Variants in EPS8L3 observed in about 807,000 individuals in gnomAD.
EPS8L3 encodes the protein epidermal growth factor receptor kinase substrate 8-like protein 3.
A neutral mutation model predicts 88.5 loss-of-function variants in EPS8L3; 80 were observed. The ratio of observed to expected loss-of-function variants is 0.90; its 90% CI spans 0.75 to 1.09. The LOEUF is 1.09. Among genes scored for constraint, EPS8L3 ranks in the 50% least tolerant of loss-of-function variants. The pLI is 0.00. For missense variants in EPS8L3, 721 were observed against 735.2 expected (o/e 0.98, Z 0.22); for synonymous variants, 286 against 291.0 (o/e 0.98, Z 0.18).
rs774218718 is a variant in EPS8L3 at position 109,759,417 on chromosome 1, G to A, written c.256-30C>T. ...GCCAGGTGGAGAGGTCAACTGTGAG[G>A]CCACCAGAGCTAGGTGTGGCTTCTG... On this transcript the variant is annotated intron_variant, in intron 4 of 18. Coordinates refer to ENST00000361965, the MANE Select transcript of EPS8L3 (RefSeq NM_133181.4). This position sits in a 1 kb window ranked among gnomAD's most constrained non-coding sequence, Gnocchi z 4.2. 2 of 1,608,664 alleles carry A rather than the reference G, an allele frequency of 1.2e-6. No individual in the cohort carries two copies. The highest frequency in any genetic ancestry group is 2.2e-5 in the South Asian group (2 of 89,860).
At chr1:109,761,272 G>A in intron 3 of EPS8L3, 1 of 513,324 alleles carries the variant, frequency 1.9e-6, no homozygotes, top group Non-Finnish European at 3.5e-6. Context: ...TCAACCTCCA[G>A]CCAGGCCTGC....
chr1:109,757,502 G>A lies in EPS8L3; in HGVS notation c.948C>T (p.Ile316=), dbSNP rs560473859. 2.5e-6 allele frequency: 4 copies of A among 1,614,144 alleles called. No individual in the cohort carries two copies. In the East Asian group the frequency reaches 6.7e-5, roughly 27 times the overall value. The change falls in exon 11 of 19, where the codon ATC becomes ATT. Residue 316 remains isoleucine, a synonymous_variant. Transcript: ENST00000361965. The part of the protein sequence containing the change: ...KETSAPELVH[I]LFKSLNFILA... ...TCACGAAGTTCAGGGACTTGAAGAGGATGTGTACGAGCTCAGGGGCACTTG... is the reference window on the plus strand; with the variant it reads ...TCACGAAGTTCAGGGACTTGAAGAGAATGTGTACGAGCTCAGGGGCACTTG...
Position 109,750,289 on chromosome 1 carries a change from CA to C in EPS8L3, c.*101del, listed in dbSNP as rs1649657566. 21 of 1,457,366 alleles carry C rather than the reference CA, an allele frequency of 1.4e-5. No individual in the cohort carries two copies. Among genetic ancestry groups the C allele is most frequent in the Non-Finnish European group, 2.0e-5 (21 of 1,054,836 alleles). 90.3% of individuals were successfully genotyped at this position (1,457,366 alleles called of 1,614,324 possible). A position where few individuals can be genotyped will look rare whatever the true frequency, so the allele number is the denominator to read the frequency against. Reference sequence around the variant, plus strand: ...GTGAGCTGGGGTGTGGGGTTTGCTGCAAACTGGGATCCAGAAGAGGAATTCT... The same window carrying C: ...GTGAGCTGGGGTGTGGGGTTTGCTGCAACTGGGATCCAGAAGAGGAATTCT... On this transcript the variant is annotated 3_prime_UTR_variant, in exon 19 of 19. Coordinates refer to ENST00000361965, the MANE Select transcript of EPS8L3 (RefSeq NM_133181.4).
chr1:109,759,175 G>A lies in EPS8L3; in HGVS notation c.406-58C>T. 2 of 1,580,768 alleles carry A rather than the reference G, an allele frequency of 1.3e-6. No individual in the cohort carries two copies. The highest frequency in any genetic ancestry group is 1.7e-6 in the Non-Finnish European group (2 of 1,153,522). ...TGTGTGTGTGTGTGTGTGTGTGTGT[G>A]TGTGTGTGGTGGGGTGATGGTCGAT... is the stretch of plus-strand genomic sequence containing the variant. On this transcript the variant is annotated intron_variant, in intron 5 of 18. Transcript: ENST00000361965. The surrounding 1 kb of genome is among the most constrained non-coding windows in gnomAD (Gnocchi z 4.2).
rs370759963 is a variant in EPS8L3 at position 109,750,403 on chromosome 1, C to G, written c.1771-1G>C. 7 of 1,613,634 alleles carry G rather than the reference C, an allele frequency of 4.3e-6. No individual in the cohort carries two copies. The highest frequency in any genetic ancestry group is 5.1e-6 in the Non-Finnish European group (6 of 1,179,868). On this transcript the variant is annotated splice_acceptor_variant, in intron 18 of 18. Transcript: ENST00000361965. LOFTEE classifies it high-confidence loss of function. ...TCTAAGCTGGTGCCTAAGGGCTTAT[C>G]TGAGGAAAGACAAAGATTCAGATGA...
At chr1:109,750,563 C>A in intron 18 of EPS8L3, 97 bp downstream of exon 18, 3 of 1,596,872 alleles carry the variant, frequency 1.9e-6, no homozygotes, top group African/African-American at 1.3e-5. Flanking sequence ...CAGTTCTGCC[C>A]CAGGGCTGGG....
intron 16 of EPS8L3, 76 bp from the exon 17 acceptor site, chr1:109,751,427 T>C (rs943106005): frequency 8.9e-5 from 131 of 1,471,974 alleles, no homozygotes; most frequent in Non-Finnish European, 1.1e-4. Flanking sequence ...TCTGGGTCCC[T>C]TCTCCAGGTT....
intron 16 of EPS8L3, 107 bp downstream of exon 16, chr1:109,751,547 C>T (rs868616069): frequency 8.8e-5 from 135 of 1,528,620 alleles, no homozygotes; most frequent in African/African-American, 3.6e-4. Context: ...TGCAATAATA[C>T]GGTCCGAATC....
chr1:109,755,712 G>A (rs985273096), intron 12 of EPS8L3, among the ~76,000 whole-genome samples: 5 of 152,178 alleles, frequency 3.3e-5, no homozygotes, highest in Non-Finnish European at 7.3e-5. Flanking sequence ...CCAGCTATTC[G>A]AGAAGGTGAG....
rs371388204 is a variant in EPS8L3 at position 109,750,647 on chromosome 1, A to G, written c.1770+13T>C. ...CACTCCCAATGGTTGTCAGGACCCCAGGGTGTCCTCACCCCCAGCATCCTT... is the reference window on the plus strand; with the variant it reads ...CACTCCCAATGGTTGTCAGGACCCCGGGGTGTCCTCACCCCCAGCATCCTT... On this transcript the variant is annotated intron_variant, in intron 18 of 18. Coordinates refer to ENST00000361965, the MANE Select transcript of EPS8L3 (RefSeq NM_133181.4). 30 of 1,614,056 alleles carry G rather than the reference A, an allele frequency of 1.9e-5. No homozygotes were observed. The African/African-American group carries it at 2.5e-4, about 14-fold the overall frequency.
At position 109,750,780 on chromosome 1, in the gene EPS8L3, T is replaced by C. The variant is rs1649716132; in HGVS notation, c.1650A>G (p.Thr550=). 6.2e-7 allele frequency: 1 copy of C among 1,614,204 alleles called. No homozygotes were observed. Among genetic ancestry groups the C allele is most frequent in the South Asian group, 1.1e-5 (1 of 91,076 alleles). Residue 550 remains threonine (T), a synonymous_variant, in exon 18 of 19, where the codon ACA becomes ACG. Coordinates refer to ENST00000361965, the MANE Select transcript of EPS8L3 (RefSeq NM_133181.4). ...AENFSTATVR[T]LGSLTGSQLL... ...GCTGGCTCCCCGTCAGGGACCCAAG[T>C]GTCCTCACCGTGCTGTGAACAAAAC...
chr1:109,752,389 G>T, intron 14 of EPS8L3, 196 bp from the exon 15 acceptor site: 1 of 623,868 alleles, frequency 1.6e-6, no homozygotes, highest in Non-Finnish European at 2.8e-6. Context: ...ATTGATTTCT[G>T]AAGACATTTC....
chr1:109,759,818 G>T lies in EPS8L3; in HGVS notation c.115C>A (p.Gln39Lys), dbSNP rs914327384. Residue 39 changes from glutamine (Q) to lysine (K), a missense_variant, in exon 4 of 19, where the codon CAG becomes AAG. Transcript: ENST00000361965. The surrounding 1 kb of genome is among the most constrained non-coding windows in gnomAD (Gnocchi z 4.2). ...HRVEHLMTCK[Q>K]GSQRVQGPED... ...GGCCCCTGGACTCTCTGACTCCCCT[G>T]CTTGCATGTCATCAAGTGCTGCAGG... 1.2e-6 allele frequency: 2 copies of T among 1,613,982 alleles called. No individual in the cohort carries two copies. Among genetic ancestry groups the T allele is most frequent in the Admixed American group, 1.7e-5 (1 of 60,012 alleles).
intron 3 of EPS8L3, among the ~76,000 whole-genome samples, chr1:109,760,181 A>G (rs1650766942): frequency 6.6e-6 from 1 of 152,060 alleles, no homozygotes; most frequent in African/African-American, 2.4e-5. Flanking sequence ...ACTCCTCTGG[A>G]GGTGATACAG....
intron 16 of EPS8L3, 68 bp downstream of exon 16, chr1:109,751,586 C>T (rs764081974): frequency 6.2e-7 from 1 of 1,607,912 alleles, no homozygotes; most frequent in Non-Finnish European, 8.5e-7. Context: ...CTGCTTGCCA[C>T]TGAATCCTCC....
intron 12 of EPS8L3, 34 bp downstream of exon 12, chr1:109,756,983 C>T (rs1419843154): frequency 6.2e-7 from 1 of 1,614,054 alleles, no homozygotes; most frequent in South Asian, 1.1e-5. Context: ...ATGCCCCTCA[C>T]CCCCGATTCA....
intron 12 of EPS8L3, among the ~76,000 whole-genome samples, chr1:109,754,252 T>C (rs1430131954): frequency 1.3e-5 from 2 of 152,248 alleles, no homozygotes; most frequent in East Asian, 3.8e-4. Context: ...GCCATTACTT[T>C]ATTGAAGCTA....
Position 109,759,084 on chromosome 1 carries a change from G to A in EPS8L3, c.439C>T (p.Leu147=), listed in dbSNP as rs148802268. 19 of 1,609,058 alleles carry A rather than the reference G, an allele frequency of 1.2e-5. No individual in the cohort carries two copies. Among genetic ancestry groups the A allele is most frequent in the Non-Finnish European group, 1.6e-5 (19 of 1,178,548 alleles). The part of the protein sequence containing the change: ...ERLKTSLQKA[L]EEELEQRPRL... ...TACCTTTGCTCCAGCTCTTCCTCCA[G>A]AGCCTTCTGCAGGCTGGTCTTCAGT... The change falls in exon 6 of 19, where the codon CTG becomes TTG. Residue 147 remains leucine, a synonymous_variant. Coordinates refer to ENST00000361965, the MANE Select transcript of EPS8L3 (RefSeq NM_133181.4). This position sits in a 1 kb window ranked among gnomAD's most constrained non-coding sequence, Gnocchi z 4.2.
Position 109,761,509 on chromosome 1 carries a change from G to T in EPS8L3, c.82C>A (p.Gln28Lys). 6.2e-7 allele frequency: 1 copy of T among 1,613,104 alleles called. No homozygotes were observed. ...GAGGTACTCACCTCCACCCTGTGCT[G>T]CAGGAGGGTGGGCTCTGAGGTGAGG... Reference protein sequence around the residue: ...QNLTSEPTLLQHRVEHLMTCK... With the variant: ...QNLTSEPTLLKHRVEHLMTCK... The change falls in exon 3 of 19, where the codon CAG becomes AAG. Residue 28 changes from glutamine to lysine, a missense_variant. Coordinates refer to ENST00000361965, the MANE Select transcript of EPS8L3 (RefSeq NM_133181.4).
Sources: allele counts gnomAD v4.1 joint callset (sites outside exome capture counted in the v4.1 genomes callset), GRCh38; gene constraint gnomAD v4.1.1; non-coding constraint Gnocchi (gnomAD v3.1); transcripts MANE v1.5; gene names NCBI Gene and HGNC (gene_info 2026-07-23, HGNC 2026-07-21).